Variants in PIK3R5 observed in about 807,000 individuals in gnomAD.
PIK3R5 encodes the protein phosphoinositide-3-kinase regulatory subunit 5.
PIK3R5 carries 32 observed loss-of-function variants against 94.9 expected under a neutral mutation model. That is an observed-to-expected ratio of 0.34 (90% CI 0.25 to 0.45). PIK3R5 has a LOEUF of 0.45. Among genes scored for constraint, PIK3R5 ranks in the 20% least tolerant of loss-of-function variants. The pLI is 1.00. For missense variants in PIK3R5, 853 were observed against 1,144.6 expected, an observed-to-expected ratio of 0.75 and a Z score of 3.68; for synonymous variants, 443 against 479.4, an observed-to-expected ratio of 0.92 and a Z score of 0.99.
chr17:8,915,809 T>G (rs2090618997), intron 1 of PIK3R5: 2 of 152,374 alleles, frequency 1.3e-5, no homozygotes, highest in African/African-American at 4.8e-5. Flanking sequence ...CCAACACCAC[T>G]TCTGCACACT....
chr17:8,933,309 A>G (rs984324834), intron 1 of PIK3R5, among the ~76,000 whole-genome samples: 3 of 152,298 alleles, frequency 2.0e-5, no homozygotes, highest in South Asian at 2.1e-4. Flanking sequence ...GAAAAGAACT[A>G]TAAAAATAAT....
rs921521465 is a variant in PIK3R5 at position 8,881,421 on chromosome 17, C to T, written c.2382+209G>A. Among the ~76,000 whole-genome samples, 1 of 152,084 alleles carries T rather than the reference C, an allele frequency of 6.6e-6. No individual in the cohort carries two copies. Among genetic ancestry groups the T allele is most frequent in the African/African-American group, 2.4e-5 (1 of 41,402 alleles). The stretch of plus-strand genomic sequence containing the variant: ...CCCCGACACCCCGCAACACTCCACA[C>T]CTGTGTGCATCCCCAAATCATACCC... On this transcript the variant is annotated intron_variant, in intron 17 of 18. Transcript: ENST00000447110. The surrounding 1 kb of genome is among the most constrained non-coding windows in gnomAD (Gnocchi z 4.8).
At chr17:8,926,818 G>A (rs1289816508) in intron 1 of PIK3R5, among the ~76,000 whole-genome samples, 1 of 152,086 alleles carries the variant, frequency 6.6e-6, no homozygotes, top group East Asian at 1.9e-4. Context: ...TTATATCTGG[G>A]AGGTAAAAAT....
At chr17:8,919,654 T>G (rs1339977520) in intron 1 of PIK3R5, among the ~76,000 whole-genome samples, 1 of 152,224 alleles carries the variant, frequency 6.6e-6, no homozygotes, top group East Asian at 1.9e-4. Flanking sequence ...CAGTTTGCAT[T>G]TGTGTCATAC....
At position 8,886,470 on chromosome 17, in the gene PIK3R5, G is replaced by A; in HGVS notation, c.2034+7C>T. The stretch of plus-strand genomic sequence containing the variant: ...GGAAGAGGCGGTTCGGGGCAGGGAG[G>A]CCTTACCTCGGTCTGATAGACTTGC... On this transcript the variant is annotated splice_region_variant and intron_variant, in intron 13 of 18. Transcript: ENST00000447110. The A allele has an allele frequency of 6.2e-7, 1 of 1,600,252 alleles. No homozygotes were observed. Among genetic ancestry groups the A allele is most frequent in the Non-Finnish European group, 8.5e-7 (1 of 1,172,430 alleles).
intron 1 of PIK3R5, among the ~76,000 whole-genome samples, chr17:8,943,948 C>T (rs531562438): frequency 7.2e-4 from 109 of 150,866 alleles, no homozygotes; most frequent in African/African-American, 2.6e-3. Flanking sequence ...ATGGTAAACT[C>T]GTGTCACGGG....
chr17:8,886,480 G>C lies in PIK3R5; in HGVS notation c.2031C>G (p.Thr677=). ...GTTCGGGGCAGGGAGGCCTTACCTC[G>C]GTCTGATAGACTTGCAGCAGCACCG... The part of the protein sequence containing the change: ...ARPVLLQVYQ[T]ELTFITGEKT... The change falls in exon 13 of 19, where the codon ACC becomes ACG. Residue 677 remains threonine (T), a synonymous_variant. Transcript: ENST00000447110. The C allele has an allele frequency of 6.2e-7, 1 of 1,603,274 alleles. No homozygotes were observed.
At chr17:8,899,783 T>C (rs1319344303) in intron 5 of PIK3R5, among the ~76,000 whole-genome samples, 1 of 152,202 alleles carries the variant, frequency 6.6e-6, no homozygotes, top group African/African-American at 2.4e-5. Context: ...CTCATGCTTG[T>C]AATCCCAGCA....
Position 8,884,131 on chromosome 17 carries a change from A to C in PIK3R5, c.2205+576T>G, listed in dbSNP as rs1378806737. 1.3e-5 allele frequency among the ~76,000 whole-genome samples: 2 copies of C among 152,056 alleles called. No individual in the cohort carries two copies. The highest frequency in any genetic ancestry group is 2.9e-5 in the Non-Finnish European group (2 of 67,994). On this transcript the variant is annotated intron_variant, in intron 15 of 18. Transcript: ENST00000447110. This position sits in a 1 kb window ranked among gnomAD's most constrained non-coding sequence, Gnocchi z 5.8. ...CAACCCCTCTTTTCCCCTGCCCAGC[A>C]CAGAGGCAGCATGGGCAGGTGCTAA...
intron 1 of PIK3R5, among the ~76,000 whole-genome samples, chr17:8,915,024 G>A (rs1017064436): frequency 1.3e-5 from 2 of 152,382 alleles, no homozygotes; most frequent in African/African-American, 4.8e-5. Context: ...AACCCAGGGG[G>A]TCTGGGGTTT....
In PIK3R5 at chr17:8,881,197, C is replaced by G. The variant is rs1202248058; in HGVS notation, c.2383-180G>C. 1.3e-5 allele frequency among the ~76,000 whole-genome samples: 2 copies of G among 152,138 alleles called. No homozygotes were observed. The highest frequency in any genetic ancestry group is 2.4e-5 in the African/African-American group (1 of 41,416). On this transcript the variant is annotated intron_variant, in intron 17 of 18. Transcript: ENST00000447110. This position sits in a 1 kb window ranked among gnomAD's most constrained non-coding sequence, Gnocchi z 4.8. ...GGAGGGAGCCTGAGGCCTCCATCAG[C>G]CCCTGCCTCCTCTCCAGCATCTGGA...
rs1211856278 is a variant in PIK3R5 at position 8,945,852 on chromosome 17, G to T, written c.-14+19744C>A. ...CCAAGGCTAGGTCACTAAAGACCAT[G>T]CAGCTACTGTCTTGTTTGCCAGAAG... On this transcript the variant is annotated intron_variant, in intron 1 of 18. Transcript: ENST00000447110. The surrounding 1 kb of genome is among the most constrained non-coding windows in gnomAD (Gnocchi z 4.0). Among the ~76,000 whole-genome samples the T allele has an allele frequency of 6.6e-6, 1 of 152,190 alleles. No individual in the cohort carries two copies. Among genetic ancestry groups the T allele is most frequent in the African/African-American group, 2.4e-5 (1 of 41,430 alleles).
rs542613132 is a variant in PIK3R5 at position 8,955,620 on chromosome 17, A to T, written c.-14+9976T>A. On this transcript the variant is annotated intron_variant, in intron 1 of 18. Coordinates refer to ENST00000447110, the MANE Select transcript of PIK3R5 (RefSeq NM_001142633.3). The surrounding 1 kb of genome is among the most constrained non-coding windows in gnomAD (Gnocchi z 4.4). ...GCCTGTGGTCCAAAAGGCCCACCAG[A>T]GGCATATGGTAAATAAAGCCAAATT... 4.7e-4 allele frequency among the ~76,000 whole-genome samples: 71 copies of T among 152,302 alleles called. 2 individuals are homozygous for T. The South Asian group carries it at 0.014, about 31-fold the overall frequency.
At chr17:8,898,705 G>C (rs762989004) in intron 5 of PIK3R5, among the ~76,000 whole-genome samples, 3 of 152,088 alleles carry the variant, frequency 2.0e-5, no homozygotes, top group African/African-American at 7.2e-5. Context: ...TGTCCTCCTC[G>C]TCATCATCAT....
In PIK3R5 at chr17:8,962,007, C is replaced by T. The variant is rs543580317; in HGVS notation, c.-14+3589G>A. 8.1e-4 allele frequency among the ~76,000 whole-genome samples: 124 copies of T among 152,354 alleles called. 2 individuals carry two copies. The highest frequency in any genetic ancestry group is 2.6e-3 in the African/African-American group (110 of 41,582). The stretch of plus-strand genomic sequence containing the variant: ...ACAAAAGCACCTCGTGGCCACAATT[C>T]ATGCCCCCAAATTGTGTTGTATGGG... On this transcript the variant is annotated intron_variant, in intron 1 of 18. Coordinates refer to ENST00000447110, the MANE Select transcript of PIK3R5 (RefSeq NM_001142633.3).
At chr17:8,908,865 G>A (rs111852733) in intron 3 of PIK3R5, among the ~76,000 whole-genome samples, 196 of 152,186 alleles carry the variant, frequency 1.3e-3, no homozygotes, top group African/African-American at 4.3e-3. Context: ...ACCCTAGCTC[G>A]CGTATGATGT....
intron 5 of PIK3R5, among the ~76,000 whole-genome samples, chr17:8,901,312 C>A (rs975979492): frequency 3.9e-5 from 6 of 152,206 alleles, no homozygotes; most frequent in Admixed American, 1.3e-4. Context: ...AAGTCTCTAC[C>A]ATGAGGTGAG....
At position 8,945,157 on chromosome 17, in the gene PIK3R5, G is replaced by A. The variant is rs1009419044; in HGVS notation, c.-14+20439C>T. On this transcript the variant is annotated intron_variant, in intron 1 of 18. Transcript: ENST00000447110. The surrounding 1 kb of genome is among the most constrained non-coding windows in gnomAD (Gnocchi z 4.0). ...CTGGCTCGGCCCCTCACCCCACTTCGAAGAGGGGATCTACATCCTCCCCAG... is the reference window on the plus strand; with the variant it reads ...CTGGCTCGGCCCCTCACCCCACTTCAAAGAGGGGATCTACATCCTCCCCAG... Among the ~76,000 whole-genome samples the A allele has an allele frequency of 1.8e-4, 28 of 152,100 alleles. No individual in the cohort carries two copies. The highest frequency in any genetic ancestry group is 6.0e-4 in the African/African-American group (25 of 41,394).
chr17:8,886,163 A>G (rs932397888), intron 14 of PIK3R5, 66 bp downstream of exon 14: 64 of 1,255,766 alleles, frequency 5.1e-5, no homozygotes, highest in Non-Finnish European at 7.0e-5. Flanking sequence ...CCCCACCTCC[A>G]CAGAGCTCCA....
Sources: allele counts gnomAD v4.1 joint callset (sites outside exome capture counted in the v4.1 genomes callset), GRCh38; gene constraint gnomAD v4.1.1; non-coding constraint Gnocchi (gnomAD v3.1); transcripts MANE v1.5; gene names NCBI Gene and HGNC (gene_info 2026-07-23, HGNC 2026-07-21).